Variants in HAPLN2 observed in about 807,000 individuals in gnomAD.
HAPLN2 encodes brain link protein-1.
A neutral mutation model predicts 29.3 loss-of-function variants in HAPLN2; 27 were observed. That is an observed-to-expected ratio of 0.92 (90% confidence interval 0.68 to 1.27). The LOEUF is 1.27. HAPLN2 is among the 50% of genes most tolerant of loss of function. The pLI is 0.00. For missense variants in HAPLN2, 454 were observed against 484.3 expected (o/e 0.94, Z 0.59); for synonymous variants, 208 against 211.7 (o/e 0.98, Z 0.15).
upstream of HAPLN2, among the ~76,000 whole-genome samples, chr1:156,614,458 G>A (rs537589757): frequency 6.6e-4 from 100 of 152,298 alleles, 1 homozygote; most frequent in Middle Eastern, 6.8e-3. Flanking sequence ...TCCTGACCTC[G>A]TGATTCACCC....
In HAPLN2 at chr1:156,624,653, C is replaced by T. The variant is rs1678383028; in HGVS notation, c.609C>T (p.Ser203=). 1.2e-6 allele frequency: 2 copies of T among 1,611,012 alleles called. No individual in the cohort carries two copies. The highest frequency in any genetic ancestry group is 8.5e-7 in the Non-Finnish European group (1 of 1,179,436). ...WCNAGWLLEG[S]VRYPVLTARA... ...ACGCGGGCTGGCTGCTCGAGGGCTCCGTGCGCTACCCTGTGCTCACCGCAC... is the reference window on the plus strand; with the variant it reads ...ACGCGGGCTGGCTGCTCGAGGGCTCTGTGCGCTACCCTGTGCTCACCGCAC... The change falls in exon 6 of 7, where the codon TCC becomes TCT. Residue 203 remains serine (S), a synonymous_variant. Transcript: ENST00000255039.
chr1:156,618,959 C>A (rs1303754528), upstream of HAPLN2, among the ~76,000 whole-genome samples: 1 of 151,746 alleles, frequency 6.6e-6, no homozygotes, highest in Non-Finnish European at 1.5e-5. Flanking sequence ...GTCCTTCTGT[C>A]CTCAGAAATT....
chr1:156,624,592 T>G lies in HAPLN2; in HGVS notation c.557-9T>G. On this transcript the variant is annotated splice_polypyrimidine_tract_variant and intron_variant, in intron 5 of 6. Coordinates refer to ENST00000255039, the MANE Select transcript of HAPLN2 (RefSeq NM_021817.3). ...CCTCTTATCCCCGACCTCCGCCGTC[T>G]CCCGCCAGCTTGGACCGAGGGTCTG... The G allele has an allele frequency of 6.2e-7, 1 of 1,611,198 alleles. No individual in the cohort carries two copies. The highest frequency in any genetic ancestry group is 8.5e-7 in the Non-Finnish European group (1 of 1,178,992).
At chr1:156,603,216 A>AT in the HAPLN2 span, among the ~76,000 whole-genome samples, 7,135 of 145,194 alleles carry the variant, frequency 0.049, 545 homozygotes, top group African/African-American at 0.17. Context: ...ACCTTGAACA[A>AT]TTTTTTTTTT....
chr1:156,623,092 GGA>G (rs1553235374), intron 2 of HAPLN2, among the ~76,000 whole-genome samples: 47 of 127,722 alleles, frequency 3.7e-4, no homozygotes, highest in Middle Eastern at 8.5e-3. Context: ...TAAAAAAGCA[GGA>G]GAGTGATAAG....
chr1:156,624,911 C>T (rs562285802), intron 6 of HAPLN2, 128 bp downstream of exon 6: 12 of 459,830 alleles, frequency 2.6e-5, no homozygotes, highest in Non-Finnish European at 4.3e-5. Context: ...CCCCATCAGC[C>T]CGCCCGCCCG....
chr1:156,625,332 T>C lies in HAPLN2; in HGVS notation c.971T>C (p.Phe324Ser). The change falls in exon 7 of 7, where the codon TTC (phenylalanine) becomes TCC (serine). Residue 324 changes from phenylalanine (F) to serine (S), a missense_variant. Coordinates refer to ENST00000255039, the MANE Select transcript of HAPLN2 (RefSeq NM_021817.3). This position sits in a 1 kb window ranked among gnomAD's most constrained non-coding sequence, Gnocchi z 5.7. The part of the protein sequence containing the change: ...LPDPGVRSFG[F>S]PRPQQAAYGT... ...GATCCCGGAGTGCGCAGTTTCGGCT[T>C]CCCCAGGCCCCAACAGGCAGCCTAT... 1 of 1,598,098 alleles carries C rather than the reference T, an allele frequency of 6.3e-7. No homozygotes were observed. Among genetic ancestry groups the C allele is most frequent in the East Asian group, 2.3e-5 (1 of 43,866 alleles).
intron 2 of HAPLN2, among the ~76,000 whole-genome samples, chr1:156,622,080 G>T (rs189630842): frequency 7.8e-4 from 119 of 152,146 alleles, no homozygotes; most frequent in African/African-American, 2.6e-3. Context: ...CATAATTTCT[G>T]TATCTATATG....
Position 156,623,963 on chromosome 1 carries a change from C to G in HAPLN2, c.242C>G (p.Thr81Arg). 1 of 1,608,118 alleles carries G rather than the reference C, an allele frequency of 6.2e-7. No homozygotes were observed. The highest frequency in any genetic ancestry group is 1.3e-5 in the African/African-American group (1 of 74,980). The change falls in exon 4 of 7, where the codon ACG becomes AGG. Residue 81 changes from threonine (T) to arginine (R), a missense_variant. Coordinates refer to ENST00000255039, the MANE Select transcript of HAPLN2 (RefSeq NM_021817.3). ...GTGGAGCCTGGGGAGCTCCGGGAAA[C>G]GCTGATCCTCATCACCAACGGACTG... ...SKVEPGELRE[T>R]LILITNGLHA... is the part of the protein sequence containing the mutation.
chr1:156,623,995 C>G lies in HAPLN2; in HGVS notation c.274C>G (p.Arg92Gly). The change falls in exon 4 of 7, where the codon CGG becomes GGG. Residue 92 changes from arginine (R) to glycine (G), a missense_variant. By Grantham distance (125) the Arg-to-Gly change is moderately radical (BLOSUM62 -2). Coordinates refer to ENST00000255039, the MANE Select transcript of HAPLN2 (RefSeq NM_021817.3). Reference protein sequence around the residue: ...LILITNGLHARGYGPLGGRAR... With the variant: ...LILITNGLHAGGYGPLGGRAR... ...CCTCATCACCAACGGACTGCACGCC[C>G]GGGGGTATGGGCCCCTGGGAGGGCG... The G allele has an allele frequency of 5.6e-6, 9 of 1,608,650 alleles. No homozygotes were observed. The highest frequency in any genetic ancestry group is 1.3e-5 in the African/African-American group (1 of 74,942).
upstream of HAPLN2, among the ~76,000 whole-genome samples, chr1:156,616,362 T>G (rs929401533): frequency 6.6e-6 from 1 of 152,180 alleles, no homozygotes; most frequent in Non-Finnish European, 1.5e-5. Flanking sequence ...GTTTGGCTAT[T>G]CATTATATGT....
intron 2 of HAPLN2, among the ~76,000 whole-genome samples, chr1:156,623,231 A>G (rs973936572): frequency 1.3e-5 from 2 of 151,800 alleles, no homozygotes; most frequent in African/African-American, 4.8e-5. Flanking sequence ...GAAGATGCTA[A>G]ATTAGTACCT....
At position 156,625,343 on chromosome 1, in the gene HAPLN2, C is replaced by A; in HGVS notation, c.982C>A (p.Gln328Lys). The A allele has an allele frequency of 6.2e-7, 1 of 1,601,364 alleles. No individual in the cohort carries two copies. Among genetic ancestry groups the A allele is most frequent in the East Asian group, 2.3e-5 (1 of 44,060 alleles). Reference protein sequence around the residue: ...GVRSFGFPRPQQAAYGTYCYA... With the variant: ...GVRSFGFPRPKQAAYGTYCYA... ...GCGCAGTTTCGGCTTCCCCAGGCCC[C>A]AACAGGCAGCCTATGGGACCTACTG... The change falls in exon 7 of 7, where the codon CAA (glutamine) becomes AAA (lysine). Residue 328 changes from glutamine to lysine, a missense_variant. Gln to Lys is a moderately conservative substitution (Grantham distance 53). Around this residue, in one of 3 missense-constraint regions of HAPLN2, gnomAD observed 235 missense variants for 236.9 expected, o/e 0.99. Coordinates refer to ENST00000255039, the MANE Select transcript of HAPLN2 (RefSeq NM_021817.3). This position sits in a 1 kb window ranked among gnomAD's most constrained non-coding sequence, Gnocchi z 5.7.
At chr1:156,622,296 GA>G (rs1031063764) in intron 2 of HAPLN2, among the ~76,000 whole-genome samples, 3 of 151,780 alleles carry the variant, frequency 2.0e-5, no homozygotes, top group African/African-American at 4.8e-5. Flanking sequence ...AAATAGAAAA[GA>G]AAAAAATTTA....
chr1:156,614,226 C>A, the HAPLN2 span, among the ~76,000 whole-genome samples: 1 of 141,990 alleles, frequency 7.0e-6, no homozygotes. Context: ...AGTTGGGGTT[C>A]ACTTTTTTTT....
chr1:156,602,308 A>T, the HAPLN2 span, among the ~76,000 whole-genome samples: 2 of 152,130 alleles, frequency 1.3e-5, no homozygotes, highest in African/African-American at 4.8e-5. Context: ...GGATAAAAAG[A>T]CGCATAAGAC....
At chr1:156,616,672 G>A (rs1678065723), upstream of HAPLN2, among the ~76,000 whole-genome samples, 1 of 152,202 alleles carries the variant, frequency 6.6e-6, no homozygotes. Flanking sequence ...AGGGTGTCCT[G>A]TCCAAGGAGA....
chr1:156,617,570 A>C (rs1678090459), upstream of HAPLN2, among the ~76,000 whole-genome samples: 1 of 151,580 alleles, frequency 6.6e-6, no homozygotes, highest in African/African-American at 2.4e-5. Context: ...GCTGGTCTCG[A>C]ACTCCTGACC....
At chr1:156,621,384 T>TGA (rs1325755830) in intron 2 of HAPLN2, among the ~76,000 whole-genome samples, 2 of 151,536 alleles carry the variant, frequency 1.3e-5, no homozygotes, top group African/African-American at 2.4e-5. Context: ...ATTACAGGTG[T>TGA]GACCCACTGT....
Sources: gnomAD v4.1 joint callset for allele counts (sites outside exome capture counted in the v4.1 genomes callset) on GRCh38, gnomAD v4.1.1 for gene constraint, gnomAD v4.1.1 regional missense constraint, Gnocchi (gnomAD v3.1) non-coding constraint, MANE v1.5 for transcripts, NCBI Gene and HGNC (gene_info 2026-07-23, HGNC 2026-07-21) for gene names.